Variants in FAM81A observed in about 807,000 individuals in gnomAD.
FAM81A encodes the protein protein FAM81A.
Under a neutral mutation model 46.7 loss-of-function variants are expected in FAM81A, and 19 were observed. The observed-to-expected ratio is 0.41, with a 90% CI of 0.28 to 0.60. The LOEUF (loss-of-function observed/expected upper bound fraction) is 0.60. Ranked by LOEUF, FAM81A falls within the 20% of genes least tolerant of loss-of-function variation. The pLI is 0.34. For synonymous variants in FAM81A, 183 were observed against 152.9 expected, an observed-to-expected ratio of 1.20 and a Z score of -1.45; for missense variants, 377 against 453.5, an observed-to-expected ratio of 0.83 and a Z score of 1.53.
At chr15:59,518,130 G>A (rs2082286445) in intron 8 of FAM81A, among the ~76,000 whole-genome samples, 1 of 149,170 alleles carries the variant, frequency 6.7e-6, no homozygotes, top group Non-Finnish European at 1.5e-5. Flanking sequence ...CTGACATCAC[G>A]GCCGGCTAAT....
intron 2 of FAM81A, chr15:59,408,186 T>C (rs2081105060): frequency 2.0e-5 from 3 of 153,084 alleles, no homozygotes; most frequent in African/African-American, 7.2e-5. Flanking sequence ...GAGGAACAAA[T>C]GTTTTTGTTT....
chr15:59,441,420 C>G (rs181461698), intron 1 of FAM81A, among the ~76,000 whole-genome samples: 2 of 152,252 alleles, frequency 1.3e-5, no homozygotes, highest in African/African-American at 4.8e-5. Flanking sequence ...ACTGAGGAAC[C>G]AAGTTTTCCA....
chr15:59,488,905 A>G (rs2081950711), intron 3 of FAM81A, among the ~76,000 whole-genome samples: 1 of 151,736 alleles, frequency 6.6e-6, no homozygotes, highest in Middle Eastern at 3.4e-3. Flanking sequence ...AGAGGTTGCA[A>G]TGAGCCAAGA....
At chr15:59,452,715 T>G (rs1209648669) in intron 1 of FAM81A, among the ~76,000 whole-genome samples, 1 of 152,184 alleles carries the variant, frequency 6.6e-6, no homozygotes, top group Non-Finnish European at 1.5e-5. Context: ...CATGATGTAG[T>G]GTCAATTCGA....
At chr15:59,502,498 TGTGTGTGTG>T in intron 4 of FAM81A, among the ~76,000 whole-genome samples, 1 of 149,688 alleles carries the variant, frequency 6.7e-6, no homozygotes, top group East Asian at 2.0e-4. Context: ...TGTGTGTGTG[TGTGTGTGTG>T]TGTGTGTGTG....
intron 3 of FAM81A, among the ~76,000 whole-genome samples, chr15:59,479,882 G>A (rs1400570511): frequency 2.6e-5 from 4 of 152,198 alleles, no homozygotes. Context: ...GGCTACATTA[G>A]TGAATAAAAC....
chr15:59,457,222 T>G (rs762431168), intron 1 of FAM81A, among the ~76,000 whole-genome samples: 9 of 152,192 alleles, frequency 5.9e-5, no homozygotes, highest in Non-Finnish European at 1.2e-4. Context: ...TGTGTGTTGT[T>G]CTGAAATAGT....
rs34095489 is a variant in FAM81A, at chr15:59,510,368, CAA to C, written c.650+1413_650+1414del. 1.2e-3 allele frequency among the ~76,000 whole-genome samples: 124 copies of C among 106,454 alleles called. 1 individual carries two copies. In the South Asian group the frequency reaches 0.024, roughly 20 times the overall value. The allele number at this position is 106,454 out of a possible 152,430, so 69.8% of individuals were successfully genotyped here. ...TGGGCAATAGAATAGGACTCTGTCT[CAA>C]AAAAAAAAAAAAAGAAAGCCAACTA... On this transcript the variant is annotated intron_variant, in intron 6 of 8. Coordinates refer to ENST00000288228, the MANE Select transcript of FAM81A (RefSeq NM_152450.3).
chr15:59,435,030 T>A (rs185625088), upstream of FAM81A, among the ~76,000 whole-genome samples: 74 of 152,376 alleles, frequency 4.9e-4, no homozygotes, highest in East Asian at 0.012. Context: ...GGCTTATGCC[T>A]GTAATCCCAG....
At chr15:59,469,910 G>C (rs2081663400) in intron 3 of FAM81A, among the ~76,000 whole-genome samples, 1 of 152,102 alleles carries the variant, frequency 6.6e-6, no homozygotes, top group Non-Finnish European at 1.5e-5. Context: ...AGGCAGACCT[G>C]GTGGTGACAA....
At chr15:59,505,781 A>C (rs1021780518) in intron 4 of FAM81A, among the ~76,000 whole-genome samples, 3 of 152,214 alleles carry the variant, frequency 2.0e-5, no homozygotes, top group Admixed American at 2.0e-4. Context: ...TTGGGGCTTC[A>C]GTCCCTACGA....
intron 2 of FAM81A, 149 bp downstream of exon 2, chr15:59,458,795 A>G (rs1278590279): frequency 2.7e-6 from 2 of 734,456 alleles, no homozygotes; most frequent in Admixed American, 2.5e-5. Flanking sequence ...AATTTATAGG[A>G]TACTGTGGAC....
chr15:59,456,883 A>G (rs965243699), intron 1 of FAM81A, among the ~76,000 whole-genome samples: 3 of 151,956 alleles, frequency 2.0e-5, no homozygotes, highest in Admixed American at 1.3e-4. Flanking sequence ...GCCACAACCC[A>G]TTGTTTTCTG....
At chr15:59,512,797 C>T (rs79242661) in intron 6 of FAM81A, among the ~76,000 whole-genome samples, 1 of 152,228 alleles carries the variant, frequency 6.6e-6, no homozygotes, top group African/African-American at 2.4e-5. Context: ...GTCCTCGTCC[C>T]TTCCCAGTCA....
intron 7 of FAM81A, among the ~76,000 whole-genome samples, chr15:59,515,634 T>A (rs1181804623): frequency 2.6e-5 from 4 of 152,176 alleles, no homozygotes; most frequent in African/African-American, 4.8e-5. Flanking sequence ...AATTTTCATA[T>A]ATGATTTTAT....
At chr15:59,455,320 A>G (rs1336114083) in intron 1 of FAM81A, among the ~76,000 whole-genome samples, 16 of 152,132 alleles carry the variant, frequency 1.1e-4, no homozygotes, top group Non-Finnish European at 1.6e-4. Flanking sequence ...ATTGTTTAAT[A>G]TAGTGGAATC....
At chr15:59,518,880 ATAGT>A (rs2082295641) in intron 8 of FAM81A, among the ~76,000 whole-genome samples, 1 of 151,852 alleles carries the variant, frequency 6.6e-6, no homozygotes, top group Non-Finnish European at 1.5e-5. Flanking sequence ...ACATAGTGAA[ATAGT>A]TACTGTATTC....
At chr15:59,472,555 A>G (rs1182785227) in intron 3 of FAM81A, among the ~76,000 whole-genome samples, 1 of 73,328 alleles carries the variant, frequency 1.4e-5, no homozygotes, top group African/African-American at 7.8e-5. Context: ...TCCTTTCCCC[A>G]TTCCTTTTTT....
intron 2 of FAM81A, among the ~76,000 whole-genome samples, chr15:59,428,540 G>C (rs1037506743): frequency 6.7e-6 from 1 of 149,600 alleles, no homozygotes; most frequent in Non-Finnish European, 1.5e-5. Flanking sequence ...CTCCCCAGTA[G>C]CTGGGATTAT....
Sources: gnomAD v4.1 joint callset for allele counts (sites outside exome capture counted in the v4.1 genomes callset) on GRCh38, gnomAD v4.1.1 for gene constraint, MANE v1.5 for transcripts, NCBI Gene and HGNC (gene_info 2026-07-23, HGNC 2026-07-21) for gene names.